XKR6: variants seen among roughly 807,000 people sequenced by gnomAD.
XKR6 encodes XK-related protein 6.
In XKR6, 22 loss-of-function variants were observed where a neutral mutation model predicts 56.7. The ratio of observed to expected loss-of-function variants is 0.39; its 90% CI spans 0.28 to 0.55. The LOEUF (loss-of-function observed/expected upper bound fraction) is 0.55. XKR6 is among the 20% of genes least tolerant of loss of function. The pLI is 0.66. For synonymous variants in XKR6, 524 were observed against 387.8 expected (o/e 1.35, Z -4.13); for missense variants, 852 against 889.0 (o/e 0.96, Z 0.53).
intron 1 of XKR6, among the ~76,000 whole-genome samples, chr8:11,027,536 C>A (rs73662678): frequency 6.6e-6 from 1 of 152,208 alleles, no homozygotes; most frequent in Non-Finnish European, 1.5e-5. Context: ...CATTCACCCC[C>A]ATTTTACAGT....
At chr8:11,196,838 C>A (rs973155917) in intron 1 of XKR6, among the ~76,000 whole-genome samples, 3 of 152,184 alleles carry the variant, frequency 2.0e-5, no homozygotes, top group Admixed American at 2.0e-4. Context: ...AAGAACCACT[C>A]TTGTAAAATA....
intron 1 of XKR6, among the ~76,000 whole-genome samples, chr8:11,199,399 G>T (rs1298390332): frequency 6.6e-6 from 1 of 152,200 alleles, no homozygotes; most frequent in Non-Finnish European, 1.5e-5. Flanking sequence ...CTTTATTTCA[G>T]CTAACCTGGG....
chr8:11,117,051 G>A (rs1049422110), intron 1 of XKR6, among the ~76,000 whole-genome samples: 2 of 152,192 alleles, frequency 1.3e-5, no homozygotes, highest in African/African-American at 2.4e-5. Flanking sequence ...GAATTCTAGT[G>A]AGTTAGTTAC....
At chr8:11,144,995 G>A (rs963170518) in intron 1 of XKR6, among the ~76,000 whole-genome samples, 11 of 147,050 alleles carry the variant, frequency 7.5e-5, no homozygotes, top group African/African-American at 2.8e-4. Context: ...GATGGAGAAA[G>A]GGAGAAGGGA....
intron 1 of XKR6, among the ~76,000 whole-genome samples, chr8:10,935,495 G>T (rs1398135642): frequency 1.7e-5 from 2 of 120,570 alleles, no homozygotes; most frequent in Non-Finnish European, 3.5e-5. Context: ...TGATGTTAGG[G>T]TGTCAATTTT....
chr8:10,994,006 G>C (rs1229948690), intron 1 of XKR6, among the ~76,000 whole-genome samples: 1 of 152,138 alleles, frequency 6.6e-6, no homozygotes, highest in Non-Finnish European at 1.5e-5. Context: ...ATCCTGTTTG[G>C]TGTTTCAGTT....
chr8:10,911,645 T>C (rs1190440608), intron 2 of XKR6, among the ~76,000 whole-genome samples: 1 of 146,652 alleles, frequency 6.8e-6, no homozygotes, highest in Non-Finnish European at 1.5e-5. Context: ...AGTATATATA[T>C]ATAGAATATA....
At chr8:11,179,866 C>T (rs1276196953) in intron 1 of XKR6, among the ~76,000 whole-genome samples, 1 of 152,224 alleles carries the variant, frequency 6.6e-6, no homozygotes, top group Admixed American at 6.5e-5. Context: ...GGCACACTGG[C>T]TCATGCCAGT....
intron 1 of XKR6, among the ~76,000 whole-genome samples, chr8:11,098,474 C>T (rs571785955): frequency 2.6e-5 from 4 of 152,180 alleles, no homozygotes; most frequent in African/African-American, 9.6e-5. Flanking sequence ...TCACGGAATA[C>T]GAGGTGTCAG....
intron 1 of XKR6, chr8:11,194,711 CCACTG>C (rs36205217): frequency 0.93 from 147,291 of 157,830 alleles, 68,826 homozygotes; most frequent in East Asian, 0.98. Flanking sequence ...CAGAATCTAT[CCACTG>C]CACTGCATAA....
intron 1 of XKR6, among the ~76,000 whole-genome samples, chr8:11,005,713 T>C (rs56713886): frequency 0.049 from 7,474 of 152,232 alleles, 490 homozygotes; most frequent in African/African-American, 0.15. Flanking sequence ...TATTATAAGA[T>C]AGGAATCAAA....
chr8:10,905,405 T>C (rs1224366508), intron 2 of XKR6, among the ~76,000 whole-genome samples: 1 of 152,198 alleles, frequency 6.6e-6, no homozygotes, highest in Non-Finnish European at 1.5e-5. Context: ...TCCTGCCATT[T>C]CTTGAGCTCT....
At chr8:11,010,123 G>A (rs1259896894) in intron 1 of XKR6, among the ~76,000 whole-genome samples, 1 of 152,150 alleles carries the variant, frequency 6.6e-6, no homozygotes, top group African/African-American at 2.4e-5. Context: ...AAGGTGAAAG[G>A]TGAAAGGAAG....
chr8:11,192,306 G>C (rs923344209), intron 1 of XKR6, among the ~76,000 whole-genome samples: 1 of 151,928 alleles, frequency 6.6e-6, no homozygotes, highest in African/African-American at 2.4e-5. Flanking sequence ...CTACAGGCGC[G>C]TGCCACCACG....
intron 1 of XKR6, among the ~76,000 whole-genome samples, chr8:10,952,740 C>T (rs60240827): frequency 0.44 from 67,414 of 151,654 alleles, 15,591 homozygotes; most frequent in Middle Eastern, 0.5. Flanking sequence ...GTTTGGATCA[C>T]GGGGGCGGAT....
chr8:11,168,199 A>G (rs1250770370), intron 1 of XKR6, among the ~76,000 whole-genome samples: 1 of 152,208 alleles, frequency 6.6e-6, no homozygotes, highest in Admixed American at 6.5e-5. Context: ...AACGAAATTA[A>G]CTGACAGAAC....
chr8:11,006,782 C>G (rs1331440769), intron 1 of XKR6, among the ~76,000 whole-genome samples: 2 of 152,224 alleles, frequency 1.3e-5, no homozygotes, highest in Non-Finnish European at 2.9e-5. Context: ...CTCTCTCTAG[C>G]TGGATATGGA....
At chr8:11,087,810 G>T (rs1374322580) in intron 1 of XKR6, among the ~76,000 whole-genome samples, 1 of 152,220 alleles carries the variant, frequency 6.6e-6, no homozygotes, top group East Asian at 1.9e-4. Flanking sequence ...CATCTCCACT[G>T]ATAAGTAGTG....
chr8:11,113,591 G>C lies in XKR6; in HGVS notation c.764+86985C>G, dbSNP rs1171208300. On this transcript the variant is annotated intron_variant, in intron 1 of 2. Transcript: ENST00000416569. ...AACATAGAAAAAAAAGTTGTGGCAA[G>C]AATCCTTACTTTCTAGTCTAAAAAC... is the stretch of plus-strand genomic sequence containing the variant. Among the ~76,000 whole-genome samples, 3 of 152,026 alleles carry C rather than the reference G, an allele frequency of 2.0e-5. No individual in the cohort carries two copies. The East Asian group carries it at 5.8e-4, about 29-fold the overall frequency.
Sources: allele counts gnomAD v4.1 joint callset (sites outside exome capture counted in the v4.1 genomes callset), GRCh38; gene constraint gnomAD v4.1.1; transcripts MANE v1.5; gene names NCBI Gene and HGNC (gene_info 2026-07-23, HGNC 2026-07-21).